The following ZNF469 variants were observed in gnomAD, a reference collection of about 807,000 sequenced individuals.
ZNF469 encodes zinc finger protein 469.
ZNF469 carries 1 observed loss-of-function variant against 1.0 expected under a neutral mutation model. The ratio of observed to expected loss-of-function variants is 1.00; its 90% CI spans 0.35 to 4.73. The LOEUF is 4.73. Ranked by LOEUF, ZNF469 falls within the 30% of genes most tolerant of loss-of-function variation. The probability of loss-of-function intolerance (pLI) is 0.16; values close to 1 mark genes in which losing one functional copy is unlikely to be tolerated. For synonymous variants in ZNF469, 2,703 were observed against 2,363.4 expected (o/e 1.14, Z -4.17); for missense variants, 6,100 against 5,356.3 (o/e 1.14, Z -4.33).
chr16:88,419,718 C>T (rs1041928553), intron 1 of ZNF469, among the ~76,000 whole-genome samples: 1 of 152,222 alleles, frequency 6.6e-6, no homozygotes, highest in African/African-American at 2.4e-5. Flanking sequence ...CAGGAATGCC[C>T]CCAACGCCAT....
the ZNF469 span, among the ~76,000 whole-genome samples, chr16:88,180,559 G>T: frequency 6.6e-6 from 1 of 152,172 alleles, no homozygotes; most frequent in Non-Finnish European, 1.5e-5. Flanking sequence ...ATCACCTGAG[G>T]TCAGGAGTTC....
In ZNF469 at chr16:88,429,381, A is replaced by G. The variant is rs373169260; in HGVS notation, c.1911A>G (p.Pro637=). 2.0e-5 allele frequency: 30 copies of G among 1,473,468 alleles called. No individual in the cohort carries two copies. Among genetic ancestry groups the G allele is most frequent in the East Asian group, 1.1e-4 (4 of 36,374 alleles). The allele number at this position is 1,473,468 out of a possible 1,614,324, so 91.3% of individuals were successfully genotyped here. A position where few individuals can be genotyped will look rare whatever the true frequency, so the allele number is the denominator to read the frequency against. The stretch of plus-strand genomic sequence containing the variant: ...TCGGGCCCTCGGCCTTCTTCCACCC[A>G]CCCACTCACCCCCAGGAGACGGGCA... ...GPLGPSAFFH[P]PTHPQETGSP... is the part of the protein sequence containing the mutation. Residue 637 remains proline, a synonymous_variant, in exon 3 of 3, where the codon CCA becomes CCG. Transcript: ENST00000565624.
chr16:88,223,445 A>G, the ZNF469 span, among the ~76,000 whole-genome samples: 2 of 152,214 alleles, frequency 1.3e-5, no homozygotes, highest in East Asian at 1.9e-4. Context: ...AATCAGCGGC[A>G]TGAAGAAGAA....
At chr16:88,276,498 C>G in the ZNF469 span, 1 of 152,208 alleles carries the variant, frequency 6.6e-6, no homozygotes, top group African/African-American at 2.4e-5. Context: ...TGAGAGCAAA[C>G]GGCTGCACTA....
At chr16:88,132,164 G>A in the ZNF469 span, among the ~76,000 whole-genome samples, 1 of 152,228 alleles carries the variant, frequency 6.6e-6, no homozygotes, top group Non-Finnish European at 1.5e-5. Flanking sequence ...GCCTCAGGCT[G>A]CACTTGGGGT....
At position 88,429,193 on chromosome 16, in the gene ZNF469, A is replaced by C. The variant is rs1196576225; in HGVS notation, c.1723A>C (p.Thr575Pro). The C allele has an allele frequency of 1.9e-6, 3 of 1,549,372 alleles. No homozygotes were observed. The African/African-American group carries it at 4.1e-5, about 21-fold the overall frequency. The change falls in exon 3 of 3, where the codon ACA (threonine) becomes CCA (proline). Residue 575 changes from threonine (T) to proline (P), a missense_variant. By Grantham distance (38) the Thr-to-Pro change is conservative. Coordinates refer to ENST00000565624, the MANE Select transcript of ZNF469 (RefSeq NM_001367624.2). ...VAQPQVSPHG[T>P]PSLPPPRVVG... ...CCAGCCCCAGGTTTCACCCCACGGG[A>C]CACCCAGCCTGCCCCCACCGAGGGT...
At chr16:88,273,438 C>G in the ZNF469 span, among the ~76,000 whole-genome samples, 2 of 152,008 alleles carry the variant, frequency 1.3e-5, no homozygotes, top group Admixed American at 6.6e-5. Flanking sequence ...CAAAACCACA[C>G]TGACATACCA....
the ZNF469 span, among the ~76,000 whole-genome samples, chr16:88,206,552 T>A: frequency 6.6e-6 from 1 of 152,096 alleles, no homozygotes; most frequent in Non-Finnish European, 1.5e-5. Flanking sequence ...ACAATCGTGT[T>A]CTTTATGACA....
At chr16:88,368,910 C>G in the ZNF469 span, among the ~76,000 whole-genome samples, 7 of 152,126 alleles carry the variant, frequency 4.6e-5, no homozygotes, top group Admixed American at 1.3e-4. Context: ...GAAACCCTAT[C>G]TCTACTAAAA....
chr16:88,192,990 GGTGGTGGTGGTGATGGTGGTGA>G, the ZNF469 span, among the ~76,000 whole-genome samples: 1 of 147,580 alleles, frequency 6.8e-6, no homozygotes, highest in African/African-American at 2.7e-5. Context: ...TGGTGGTGAT[GGTGGTGGTGGTGATGGTGGTGA>G]TGGTGGTGGT....
At chr16:88,341,448 G>C in the ZNF469 span, among the ~76,000 whole-genome samples, 1 of 152,156 alleles carries the variant, frequency 6.6e-6, no homozygotes, top group Non-Finnish European at 1.5e-5. Flanking sequence ...CTCTCACCTG[G>C]GGGACTCATT....
chr16:88,428,029 C>G lies in ZNF469; in HGVS notation c.559C>G (p.Pro187Ala), dbSNP rs914112832. Reference protein sequence around the residue: ...ELGFHRCFQEPPSSFTSTNYT... With the variant: ...ELGFHRCFQEAPSSFTSTNYT... ...TGGCTTCCACAGGTGCTTCCAGGAG[C>G]CACCCTCCAGCTTTACCTCCACCAA... Residue 187 changes from proline (P) to alanine (A), a missense_variant, in exon 3 of 3, where the codon CCA becomes GCA. By Grantham distance (27) the Pro-to-Ala change is conservative. Transcript: ENST00000565624. 2 of 1,550,004 alleles carry G rather than the reference C, an allele frequency of 1.3e-6. No homozygotes were observed. The highest frequency in any genetic ancestry group is 2.7e-5 in the African/African-American group (2 of 73,122).
chr16:88,117,182 G>A, the ZNF469 span, among the ~76,000 whole-genome samples: 1 of 49,376 alleles, frequency 2.0e-5, no homozygotes, highest in Non-Finnish European at 6.7e-5. Flanking sequence ...GGCATGTGAG[G>A]GCCGGGGATG....
chr16:88,212,618 TCA>T, the ZNF469 span, among the ~76,000 whole-genome samples: 10 of 152,202 alleles, frequency 6.6e-5, no homozygotes, highest in Non-Finnish European at 1.5e-4. Context: ...TCTCACTCTG[TCA>T]CCCAGGCTGG....
the ZNF469 span, among the ~76,000 whole-genome samples, chr16:88,254,589 C>T: frequency 1.3e-5 from 2 of 152,104 alleles, no homozygotes; most frequent in African/African-American, 2.4e-5. Context: ...GAAACCCCGT[C>T]TCTACTAAAA....
chr16:88,199,180 C>T, the ZNF469 span, among the ~76,000 whole-genome samples: 5 of 152,290 alleles, frequency 3.3e-5, no homozygotes, highest in Admixed American at 1.3e-4. Flanking sequence ...GAGGACCTCA[C>T]GGTCAAGGGC....
the ZNF469 span, among the ~76,000 whole-genome samples, chr16:88,356,482 A>G: frequency 1.3e-5 from 2 of 150,908 alleles, no homozygotes; most frequent in African/African-American, 4.9e-5. Context: ...GTGTGTGTGT[A>G]CACATGCCTG....
intron 1 of ZNF469, among the ~76,000 whole-genome samples, chr16:88,399,077 G>T (rs1904782342): frequency 6.6e-6 from 1 of 152,256 alleles, no homozygotes; most frequent in Non-Finnish European, 1.5e-5. Flanking sequence ...GGTCTCCCCT[G>T]TTCCGAGAGT....
chr16:88,328,104 G>A, the ZNF469 span, among the ~76,000 whole-genome samples: 7 of 152,328 alleles, frequency 4.6e-5, no homozygotes, highest in South Asian at 1.5e-3. Context: ...AAGCTGGGAT[G>A]AGGTCGAGGA....
Sources: allele counts gnomAD v4.1 joint callset (sites outside exome capture counted in the v4.1 genomes callset), GRCh38; gene constraint gnomAD v4.1.1; transcripts MANE v1.5; gene names NCBI Gene and HGNC (gene_info 2026-07-23, HGNC 2026-07-21).